The following CASD1 variants were observed in gnomAD, a reference collection of about 807,000 sequenced individuals.
CASD1 encodes CAS1 domain sialic acid O acetyltransferase 1, also known as N-acetylneuraminate (7)9-O-acetyltransferase.
A neutral mutation model predicts 100.0 loss-of-function variants in CASD1; 41 were observed. The ratio of observed to expected loss-of-function variants is 0.41; its 90% CI spans 0.32 to 0.53. The LOEUF (loss-of-function observed/expected upper bound fraction) is 0.53. CASD1 is among the 20% of genes least tolerant of loss of function. The pLI, the probability that CASD1 is intolerant of heterozygous loss-of-function variation, is 0.25. For synonymous variants in CASD1, 321 were observed against 315.6 expected, an observed-to-expected ratio of 1.02 and a Z score of -0.18; for missense variants, 774 against 948.7, an observed-to-expected ratio of 0.82 and a Z score of 2.42.
chr7:94,539,156 G>A (rs1397004503), intron 10 of CASD1, 100 bp downstream of exon 10: 4 of 489,712 alleles, frequency 8.2e-6, no homozygotes, highest in African/African-American at 8.0e-5. Flanking sequence ...ATCTCTACCA[G>A]TTATAGACCC....
chr7:94,587,665 A>C, the CASD1 span: 1 of 1,507,362 alleles, frequency 6.6e-7, no homozygotes, highest in African/African-American at 1.4e-5. Context: ...TATATTGAAC[A>C]GTCTTGTTGA....
intron 5 of CASD1, among the ~76,000 whole-genome samples, chr7:94,530,855 A>G (rs1794817910): frequency 6.6e-6 from 1 of 152,108 alleles, no homozygotes; most frequent in African/African-American, 2.4e-5. Flanking sequence ...GAGTAGGAAG[A>G]AAACCAAGGG....
chr7:94,587,212 T>C, the CASD1 span: 1 of 985,532 alleles, frequency 1.0e-6, no homozygotes, highest in Non-Finnish European at 1.2e-6. Context: ...TCTGTATTAC[T>C]AAAATGTAGC....
At chr7:94,545,763 T>C (rs1795647788) in intron 12 of CASD1, 62 bp downstream of exon 12, 1 of 1,024,682 alleles carries the variant, frequency 9.8e-7, no homozygotes, top group East Asian at 2.6e-5. Context: ...AATTTCTTTG[T>C]AGTTGCTAAA....
At chr7:94,586,890 G>A in the CASD1 span, 11 of 984,802 alleles carry the variant, frequency 1.1e-5, no homozygotes, top group Non-Finnish European at 1.3e-5. Context: ...CTCTCCCTTT[G>A]GCACTTAAGA....
intron 3 of CASD1, among the ~76,000 whole-genome samples, chr7:94,522,343 A>G (rs1286846664): frequency 2.0e-5 from 3 of 152,258 alleles, no homozygotes; most frequent in Non-Finnish European, 4.4e-5. Flanking sequence ...TTTCAGGGAT[A>G]CAGAAAGTCA....
At chr7:94,519,963 A>G (rs186109219) in intron 3 of CASD1, among the ~76,000 whole-genome samples, 6 of 152,358 alleles carry the variant, frequency 3.9e-5, no homozygotes, top group African/African-American at 1.4e-4. Context: ...AGCCAAAAGT[A>G]GATACAATAT....
the CASD1 span, chr7:94,624,478 G>T: frequency 5.7e-6 from 2 of 350,288 alleles, no homozygotes; most frequent in Non-Finnish European, 1.0e-5. Flanking sequence ...AAAGTTAAAA[G>T]AACCTCTCTC....
At chr7:94,561,277 G>C (rs1796335201), downstream of CASD1, among the ~76,000 whole-genome samples, 1 of 152,078 alleles carries the variant, frequency 6.6e-6, no homozygotes, top group Admixed American at 6.6e-5. Flanking sequence ...GGTATATAGA[G>C]AGCTCTTATA....
the CASD1 span, chr7:94,598,907 A>G: frequency 3.7e-6 from 6 of 1,613,914 alleles, no homozygotes; most frequent in East Asian, 4.5e-5. Flanking sequence ...ATTCTTGGAC[A>G]TGTCTCGAAG....
chr7:94,585,542 C>A, the CASD1 span: 24 of 1,545,608 alleles, frequency 1.6e-5, no homozygotes, highest in Middle Eastern at 3.4e-4. Context: ...TGAATATGGG[C>A]AGGAGTTAGT....
the CASD1 span, chr7:94,600,879 A>C: frequency 1.9e-6 from 3 of 1,563,896 alleles, no homozygotes; most frequent in South Asian, 2.3e-5. Flanking sequence ...GAAGACAATT[A>C]CACAACAAAT....
In CASD1 at chr7:94,509,963, GTGGCGGCCTGGGGAGC is replaced by G; in HGVS notation, c.-113_-98del. On this transcript the variant is annotated 5_prime_UTR_variant, in exon 1 of 18. Transcript: ENST00000297273. ...TCAGGTTCCCCGGCGGGAGGCGCAGGTGGCGGCCTGGGGAGCTGGCGGCCGCTCCTCGCCTGGCTGC... is the reference window on the plus strand; with the variant it reads ...TCAGGTTCCCCGGCGGGAGGCGCAGGTGGCGGCCGCTCCTCGCCTGGCTGC... The G allele has an allele frequency of 1.6e-6, 2 of 1,213,674 alleles. No individual in the cohort carries two copies. Among genetic ancestry groups the G allele is most frequent in the Non-Finnish European group, 2.1e-6 (2 of 968,008 alleles). 75.2% of individuals were successfully genotyped at this position (1,213,674 alleles called of 1,614,324 possible).
At chr7:94,633,274 C>T in the CASD1 span, among the ~76,000 whole-genome samples, 1 of 151,910 alleles carries the variant, frequency 6.6e-6, no homozygotes, top group African/African-American at 2.4e-5. Flanking sequence ...AAAGTCCAAC[C>T]CGCAAGAGGT....
chr7:94,603,442 T>C, the CASD1 span: 1 of 1,613,094 alleles, frequency 6.2e-7, no homozygotes, highest in Non-Finnish European at 8.5e-7. Flanking sequence ...GCACCAACCA[T>C]GACATAAACG....
chr7:94,553,655 A>G (rs1796057917), intron 16 of CASD1, among the ~76,000 whole-genome samples: 1 of 152,104 alleles, frequency 6.6e-6, no homozygotes, highest in South Asian at 2.1e-4. Context: ...CTTGCTTTTT[A>G]TAAGGAGGGT....
At chr7:94,588,886 A>G in the CASD1 span, 1 of 756,986 alleles carries the variant, frequency 1.3e-6, no homozygotes, top group South Asian at 1.5e-5. Context: ...CTTACAGATG[A>G]GGAAACTGAG....
At chr7:94,521,287 G>A (rs926902256) in intron 3 of CASD1, among the ~76,000 whole-genome samples, 2 of 152,022 alleles carry the variant, frequency 1.3e-5, no homozygotes, top group African/African-American at 4.8e-5. Context: ...CAGGAATGAG[G>A]GAAATGTTCA....
the CASD1 span, among the ~76,000 whole-genome samples, chr7:94,567,156 A>G: frequency 1.3e-5 from 2 of 151,746 alleles, no homozygotes; most frequent in Admixed American, 6.6e-5. Context: ...TTCCTATTGG[A>G]ACCAAGTCTG....
Sources: gnomAD v4.1 joint callset for allele counts (sites outside exome capture counted in the v4.1 genomes callset) on GRCh38, gnomAD v4.1.1 for gene constraint, MANE v1.5 for transcripts, NCBI Gene and HGNC (gene_info 2026-07-23, HGNC 2026-07-21) for gene names.